LRRTM4: variants seen among roughly 807,000 people sequenced by gnomAD.
LRRTM4 encodes the protein leucine rich repeat transmembrane neuronal 4.
In LRRTM4, 25 loss-of-function variants were observed where a neutral mutation model predicts 47.6. The observed-to-expected ratio is 0.53, with a 90% CI of 0.38 to 0.73. The LOEUF (loss-of-function observed/expected upper bound fraction) is 0.73. Among genes scored for constraint, LRRTM4 ranks in the 30% least tolerant of loss-of-function variants. LRRTM4 has a pLI of 0.00. For missense variants in LRRTM4, 638 were observed against 713.4 expected (o/e 0.89, Z 1.20); for synonymous variants, 311 against 269.5 (o/e 1.15, Z -1.51).
At chr2:77,473,072 T>C (rs1297847619) in intron 3 of LRRTM4, among the ~76,000 whole-genome samples, 1 of 151,940 alleles carries the variant, frequency 6.6e-6, no homozygotes, top group Non-Finnish European at 1.5e-5. Flanking sequence ...GGAACTAGAG[T>C]CAGAAAATAT....
At chr2:76,882,092 C>T (rs1030803644) in intron 3 of LRRTM4, among the ~76,000 whole-genome samples, 1 of 152,148 alleles carries the variant, frequency 6.6e-6, no homozygotes, top group Non-Finnish European at 1.5e-5. Flanking sequence ...GCATTTCAGA[C>T]TTCTGTAACT....
chr2:76,937,495 A>C (rs936232940), intron 3 of LRRTM4, among the ~76,000 whole-genome samples: 2 of 152,178 alleles, frequency 1.3e-5, no homozygotes, highest in South Asian at 2.1e-4. Context: ...CTAATGCATC[A>C]AATCATTTTG....
intron 3 of LRRTM4, among the ~76,000 whole-genome samples, chr2:77,087,317 C>T (rs1399881562): frequency 1.3e-5 from 2 of 152,200 alleles, no homozygotes; most frequent in African/African-American, 4.8e-5. Flanking sequence ...TTTTACCTAT[C>T]TAGTCCTAGA....
intron 3 of LRRTM4, among the ~76,000 whole-genome samples, chr2:76,899,825 G>C (rs578054605): frequency 7.2e-5 from 11 of 152,156 alleles, no homozygotes; most frequent in Non-Finnish European, 1.0e-4. Flanking sequence ...AGATCTATGA[G>C]AGCTAGAACA....
chr2:77,385,915 T>C (rs1416001515), intron 3 of LRRTM4, among the ~76,000 whole-genome samples: 1 of 149,566 alleles, frequency 6.7e-6, no homozygotes, highest in Non-Finnish European at 1.5e-5. Flanking sequence ...TCCTGGCTAT[T>C]TTTTTTTTAT....
intron 3 of LRRTM4, among the ~76,000 whole-genome samples, chr2:77,039,064 T>A (rs777181271): frequency 2.8e-4 from 42 of 151,326 alleles, no homozygotes; most frequent in Non-Finnish European, 6.1e-4. Context: ...ATTTACAATA[T>A]AAAAATGAGT....
intron 3 of LRRTM4, among the ~76,000 whole-genome samples, chr2:77,292,003 AAAAC>A (rs1676837237): frequency 6.6e-6 from 1 of 151,954 alleles, no homozygotes; most frequent in African/African-American, 2.4e-5. Flanking sequence ...TTACAAGAAA[AAAAC>A]AAACAACCCC....
chr2:76,929,266 A>C (rs1340375228), intron 3 of LRRTM4, among the ~76,000 whole-genome samples: 9 of 152,138 alleles, frequency 5.9e-5, no homozygotes, highest in African/African-American at 2.2e-4. Context: ...GGGTGACATT[A>C]AACAGCTAGA....
chr2:77,068,994 C>A (rs368757832), intron 3 of LRRTM4, among the ~76,000 whole-genome samples: 2 of 152,200 alleles, frequency 1.3e-5, no homozygotes. Context: ...CCAGACCCAC[C>A]CCTTTATTTG....
chr2:77,504,276 TGTACTATAGTGACAAA>T (rs1373849771), intron 3 of LRRTM4, among the ~76,000 whole-genome samples: 1 of 151,664 alleles, frequency 6.6e-6, no homozygotes, highest in Non-Finnish European at 1.5e-5. Flanking sequence ...CATAGCTTTT[TGTACTATAGTGACAAA>T]GTAGTTGTCA....
chr2:76,843,909 A>AT (rs60754198), intron 3 of LRRTM4, among the ~76,000 whole-genome samples: 16,983 of 137,330 alleles, frequency 0.12, 1,274 homozygotes, highest in African/African-American at 0.19. Flanking sequence ...TTCTTTTTTC[A>AT]TTTTTTTTTT....
chr2:77,412,673 T>C (rs1199113492), intron 3 of LRRTM4, among the ~76,000 whole-genome samples: 1 of 152,166 alleles, frequency 6.6e-6, no homozygotes, highest in Non-Finnish European at 1.5e-5. Flanking sequence ...AGGGAAAGTG[T>C]GTACAAAACT....
intron 3 of LRRTM4, among the ~76,000 whole-genome samples, chr2:77,011,573 G>A (rs1677877645): frequency 7.5e-6 from 1 of 134,102 alleles, no homozygotes; most frequent in Admixed American, 7.9e-5. Flanking sequence ...GTGTGTGTGT[G>A]TGTGTAGAAT....
intron 3 of LRRTM4, among the ~76,000 whole-genome samples, chr2:76,764,233 A>G (rs918190757): frequency 1.3e-5 from 2 of 152,226 alleles, no homozygotes; most frequent in African/African-American, 4.8e-5. Context: ...GATTTGGAGA[A>G]TTCTCAGCCC....
At chr2:77,024,259 C>T (rs1678373472) in intron 3 of LRRTM4, among the ~76,000 whole-genome samples, 1 of 152,104 alleles carries the variant, frequency 6.6e-6, no homozygotes, top group Non-Finnish European at 1.5e-5. Flanking sequence ...ACCATATCAC[C>T]ATGGTAACCA....
At chr2:76,775,839 G>C (rs900019549) in intron 3 of LRRTM4, among the ~76,000 whole-genome samples, 1 of 151,934 alleles carries the variant, frequency 6.6e-6, no homozygotes, top group Admixed American at 6.6e-5. Context: ...CATGTGCCAT[G>C]CTGGTGCGCT....
chr2:77,508,980 C>T (rs1415090389), intron 3 of LRRTM4, among the ~76,000 whole-genome samples: 1 of 151,962 alleles, frequency 6.6e-6, no homozygotes, highest in Admixed American at 6.6e-5. Flanking sequence ...GCCTGTAATC[C>T]CAGCACTTTG....
intron 3 of LRRTM4, among the ~76,000 whole-genome samples, chr2:77,031,116 T>C (rs1341941628): frequency 1.3e-5 from 2 of 152,202 alleles, no homozygotes; most frequent in Non-Finnish European, 2.9e-5. Context: ...AACATACATT[T>C]ACAGATATTA....
At chr2:77,406,233 A>T (rs1674177440) in intron 3 of LRRTM4, among the ~76,000 whole-genome samples, 1 of 152,264 alleles carries the variant, frequency 6.6e-6, no homozygotes, top group South Asian at 2.1e-4. Flanking sequence ...ACAAATAATC[A>T]AATTGACACA....
Sources: gnomAD v4.1 joint callset for allele counts (sites outside exome capture counted in the v4.1 genomes callset) on GRCh38, gnomAD v4.1.1 for gene constraint, MANE v1.5 for transcripts, NCBI Gene and HGNC (gene_info 2026-07-23, HGNC 2026-07-21) for gene names.